RNF220: variants seen among roughly 807,000 people sequenced by gnomAD.
The protein encoded by RNF220 is E3 ubiquitin-protein ligase RNF220.
RNF220 carries 7 observed loss-of-function variants against 67.1 expected under a neutral mutation model. The observed-to-expected ratio is 0.10, with a 90% CI of 0.06 to 0.20. RNF220 has a LOEUF of 0.20. Among genes scored for constraint, RNF220 ranks in the 10% least tolerant of loss-of-function variants. The pLI, the probability that RNF220 is intolerant of heterozygous loss-of-function variation, is 1.00. For synonymous variants in RNF220, 270 were observed against 283.2 expected (o/e 0.95, Z 0.47); for missense variants, 565 against 740.3 (o/e 0.76, Z 2.75).
At chr1:44,513,228 G>A (rs189135619) in intron 2 of RNF220, among the ~76,000 whole-genome samples, 41 of 152,336 alleles carry the variant, frequency 2.7e-4, no homozygotes, top group African/African-American at 9.6e-4. Context: ...GAACCTGTGC[G>A]AGGAGCTCTT....
intron 2 of RNF220, among the ~76,000 whole-genome samples, chr1:44,482,785 C>A (rs1655937528): frequency 1.3e-5 from 2 of 152,002 alleles, no homozygotes; most frequent in South Asian, 4.1e-4. Flanking sequence ...CAATGCCTGG[C>A]TAATTTTTGT....
chr1:44,535,141 T>TC (rs1227016060), intron 2 of RNF220, among the ~76,000 whole-genome samples: 2 of 144,906 alleles, frequency 1.4e-5, no homozygotes, highest in Non-Finnish European at 3.0e-5. Flanking sequence ...TCTTCTTTTT[T>TC]TTTTTTTTTT....
At position 44,650,389 on chromosome 1, in the gene RNF220, ACGTG is replaced by A; in HGVS notation, c.1630-314_1630-311del. 2 of 465,392 alleles carry A rather than the reference ACGTG, an allele frequency of 4.3e-6. No homozygotes were observed. The highest frequency in any genetic ancestry group is 3.6e-5 in the Admixed American group (1 of 27,822). 28.8% of individuals were successfully genotyped at this position (465,392 alleles called of 1,614,324 possible). A position where few individuals can be genotyped will look rare whatever the true frequency, so the allele number is the denominator to read the frequency against. On this transcript the variant is annotated intron_variant, in intron 14 of 14. Transcript: ENST00000361799. This position sits in a 1 kb window ranked among gnomAD's most constrained non-coding sequence, Gnocchi z 4.3. ...CCGGAGACAGTAATAAAAGGCTCGG[ACGTG>A]GGCTCTGTGTCCTGATCAAAGGCCG...
chr1:44,628,857 C>A (rs1055911002), intron 5 of RNF220, among the ~76,000 whole-genome samples: 2 of 152,246 alleles, frequency 1.3e-5, no homozygotes, highest in African/African-American at 4.8e-5. Context: ...GATTAGCTAT[C>A]TCTTGACCCT....
intron 2 of RNF220, among the ~76,000 whole-genome samples, chr1:44,525,157 T>C (rs1660267370): frequency 2.0e-5 from 3 of 152,346 alleles, no homozygotes; most frequent in Admixed American, 6.5e-5. Flanking sequence ...CAATCTTTTT[T>C]ACTGTGGCCT....
chr1:44,464,126 A>C (rs141398703), intron 2 of RNF220, among the ~76,000 whole-genome samples: 3 of 152,360 alleles, frequency 2.0e-5, no homozygotes, highest in Non-Finnish European at 4.4e-5. Context: ...GTCCTATGTC[A>C]GCAGCTCTTG....
rs374199001 is a variant in RNF220, at chr1:44,650,794, G to C, written c.*19G>C. 137 of 1,611,836 alleles carry C rather than the reference G, an allele frequency of 8.5e-5. No individual in the cohort carries two copies. The African/African-American group carries it at 1.7e-3, about 21-fold the overall frequency. The stretch of plus-strand genomic sequence containing the variant: ...CTTGTGAGCTATCTGCCCCAGGCAG[G>C]CCTCGCCTCCAGCAGCCCCACCTGC... On this transcript the variant is annotated 3_prime_UTR_variant, in exon 15 of 15. Transcript: ENST00000361799. This position sits in a 1 kb window ranked among gnomAD's most constrained non-coding sequence, Gnocchi z 4.3.
chr1:44,525,505 G>A (rs1009989287), intron 2 of RNF220, among the ~76,000 whole-genome samples: 1 of 152,146 alleles, frequency 6.6e-6, no homozygotes, highest in Non-Finnish European at 1.5e-5. Flanking sequence ...ACTGTGCCAG[G>A]TGCCTGTTTA....
rs904914543 is a variant in RNF220 at position 44,431,657 on chromosome 1, C to T, written c.625+18935C>T. Reference sequence around the variant, plus strand: ...GAAACTTTTTCTCCACTTAAGTTGGCGCTAGAGCCACATAGGAGTGGGCAA... The same window carrying T: ...GAAACTTTTTCTCCACTTAAGTTGGTGCTAGAGCCACATAGGAGTGGGCAA... On this transcript the variant is annotated intron_variant, in intron 2 of 14. Coordinates refer to ENST00000361799, the MANE Select transcript of RNF220 (RefSeq NM_018150.4). 7.9e-5 allele frequency among the ~76,000 whole-genome samples: 12 copies of T among 152,124 alleles called. No homozygotes were observed. In the South Asian group the frequency reaches 1.2e-3, roughly 16 times the overall value.
intron 2 of RNF220, among the ~76,000 whole-genome samples, chr1:44,488,498 A>G (rs12128224): frequency 0.048 from 7,271 of 151,914 alleles, 185 homozygotes; most frequent in Non-Finnish European, 0.061. Context: ...TATTTTTACT[A>G]GAGATGGGGT....
chr1:44,532,825 A>G (rs1037639710), intron 2 of RNF220, among the ~76,000 whole-genome samples: 5 of 152,208 alleles, frequency 3.3e-5, no homozygotes, highest in African/African-American at 1.2e-4. Context: ...GCAAATGGGA[A>G]CAGCTCAAAG....
intron 2 of RNF220, among the ~76,000 whole-genome samples, chr1:44,586,429 A>C (rs1572959762): frequency 6.6e-6 from 1 of 152,122 alleles, no homozygotes; most frequent in East Asian, 1.9e-4. Flanking sequence ...GTAAGGATAG[A>C]GGGTGGTGTG....
At position 44,412,657 on chromosome 1, in the gene RNF220, T is replaced by C; in HGVS notation, c.560T>C (p.Phe187Ser). ...LKVDDTGKKI[F>S]AVSGLISDRE... ...GTTGATGACACTGGGAAGAAGATTT[T>C]TGCTGTCTCTGGCCTCATTTCTGAT... The change falls in exon 2 of 15, where the codon TTT becomes TCT. Residue 187 changes from phenylalanine (F) to serine (S), a missense_variant. Phe to Ser is a radical substitution (Grantham distance 155). Coordinates refer to ENST00000361799, the MANE Select transcript of RNF220 (RefSeq NM_018150.4). The surrounding 1 kb of genome is among the most constrained non-coding windows in gnomAD (Gnocchi z 5.3). The C allele has an allele frequency of 6.2e-7, 1 of 1,614,182 alleles. No homozygotes were observed. Among genetic ancestry groups the C allele is most frequent in the Non-Finnish European group, 8.5e-7 (1 of 1,180,028 alleles).
At chr1:44,543,783 G>C (rs1358455281) in intron 2 of RNF220, among the ~76,000 whole-genome samples, 1 of 152,116 alleles carries the variant, frequency 6.6e-6, no homozygotes, top group Non-Finnish European at 1.5e-5. Context: ...GCTGTGGGGG[G>C]AGATATCTCT....
rs527602363 is a variant in RNF220 at position 44,462,436 on chromosome 1, G to A, written c.625+49714G>A. On this transcript the variant is annotated intron_variant, in intron 2 of 14. Coordinates refer to ENST00000361799, the MANE Select transcript of RNF220 (RefSeq NM_018150.4). ...AGGACACCAATAATAAGCTGTAAAA[G>A]AGTATCAATAAAGTCTGAGAATATT... 1.1e-4 allele frequency among the ~76,000 whole-genome samples: 16 copies of A among 152,200 alleles called. No homozygotes were observed. The South Asian group carries it at 1.9e-3, about 18-fold the overall frequency.
chr1:44,635,216 A>C (rs1644290084), intron 6 of RNF220: 1 of 280,414 alleles, frequency 3.6e-6, no homozygotes, highest in Admixed American at 4.6e-5. Flanking sequence ...GGCCTTCTGG[A>C]GAGATACCTA....
At chr1:44,562,605 A>G (rs2148293138) in intron 2 of RNF220, among the ~76,000 whole-genome samples, 1 of 152,192 alleles carries the variant, frequency 6.6e-6, no homozygotes, top group East Asian at 1.9e-4. Flanking sequence ...TGTCTGCCTC[A>G]GCCTGAGCAG....
chr1:44,636,904 G>C (rs1394270131), intron 8 of RNF220, among the ~76,000 whole-genome samples: 1 of 152,232 alleles, frequency 6.6e-6, no homozygotes, highest in Non-Finnish European at 1.5e-5. Flanking sequence ...AATTGGTTGG[G>C]TGCCCAGGGT....
chr1:44,436,679 C>G (rs1651007515), intron 2 of RNF220, among the ~76,000 whole-genome samples: 1 of 152,166 alleles, frequency 6.6e-6, no homozygotes, highest in Admixed American at 6.5e-5. Flanking sequence ...GGACATCAAA[C>G]AGTCCACAAC....
Sources: gnomAD v4.1 joint callset for allele counts (sites outside exome capture counted in the v4.1 genomes callset) on GRCh38, gnomAD v4.1.1 for gene constraint, Gnocchi (gnomAD v3.1) non-coding constraint, MANE v1.5 for transcripts, NCBI Gene and HGNC (gene_info 2026-07-23, HGNC 2026-07-21) for gene names.